The following RSKR variants were observed in gnomAD, a reference collection of about 807,000 sequenced individuals.
RSKR encodes the protein ribosomal protein S6 kinase-related protein.
In RSKR, 44 loss-of-function variants were observed where a neutral mutation model predicts 56.8. The ratio of observed to expected loss-of-function variants is 0.77; its 90% CI spans 0.61 to 1.00. The LOEUF (loss-of-function observed/expected upper bound fraction) is 1.00, where lower values mean the gene tolerates loss of function less well. Among genes scored for constraint, RSKR ranks in the 50% least tolerant of loss-of-function variants. The probability of loss-of-function intolerance (pLI) is 0.00; values close to 1 mark genes in which losing one functional copy is unlikely to be tolerated. For missense variants in RSKR, 510 were observed against 506.9 expected (o/e 1.01, Z -0.06); for synonymous variants, 181 against 188.0 (o/e 0.96, Z 0.30).
Position 28,611,627 on chromosome 17 carries a change from A to T in RSKR, c.751T>A (p.Ser251Thr). Reference protein sequence around the residue: ...GHLKLTDFGLSRHVPQGAQAY... With the variant: ...GHLKLTDFGLTRHVPQGAQAY... ...TGAGCTCCCTGGGGCACGTGGCGGG[A>T]CAGACCAAAGTCTGTCAGTTTCAGA... Residue 251 changes from serine to threonine, a missense_variant, in exon 9 of 12, where the codon TCC becomes ACC. By Grantham distance (58) the Ser-to-Thr change is moderately conservative. Transcript: ENST00000301037. 2.5e-6 allele frequency: 4 copies of T among 1,577,008 alleles called. No individual in the cohort carries two copies. The highest frequency in any genetic ancestry group is 3.4e-6 in the Non-Finnish European group (4 of 1,162,848).
intron 1 of RSKR, 51 bp from the exon 2 acceptor site, chr17:28,613,739 G>A: frequency 6.2e-7 from 1 of 1,604,136 alleles, no homozygotes; most frequent in Non-Finnish European, 8.5e-7. Context: ...GGCATAGCAG[G>A]TTCCACCCAT....
chr17:28,613,949 T>A, intron 1 of RSKR, 138 bp downstream of exon 1: 3 of 1,155,830 alleles, frequency 2.6e-6, no homozygotes, highest in Non-Finnish European at 3.7e-6. Flanking sequence ...TGGGCTGTGA[T>A]GCTTTCATAG....
chr17:28,613,328 A>G lies in RSKR; in HGVS notation c.342T>C (p.Ala114=), dbSNP rs1567634480. The G allele has an allele frequency of 1.2e-6, 2 of 1,614,126 alleles. No individual in the cohort carries two copies. Among genetic ancestry groups the G allele is most frequent in the Non-Finnish European group, 1.7e-6 (2 of 1,180,058 alleles). The change falls in exon 3 of 12, where the codon GCT becomes GCC. Residue 114 remains alanine (A), a synonymous_variant. Coordinates refer to ENST00000301037, the MANE Select transcript of RSKR (RefSeq NM_001174103.2). ...QQQLKILGLV[A]KGSFGTVLKV... ...TGAGGACAGTTCCAAAGGAGCCTTTAGCCACGAGGCCTAAAATCTGTACAG... is the reference window on the plus strand; with the variant it reads ...TGAGGACAGTTCCAAAGGAGCCTTTGGCCACGAGGCCTAAAATCTGTACAG...
intron 5 of RSKR, 34 bp from the exon 6 acceptor site, chr17:28,612,400 A>C (rs1440425687): frequency 1.3e-6 from 2 of 1,597,906 alleles, no homozygotes; most frequent in Non-Finnish European, 8.6e-7. Context: ...ATACATTGCC[A>C]GAAGTCTAGG....
At chr17:28,610,954 GGGA>G (rs2070803537) in intron 11 of RSKR, 186 bp downstream of exon 11, 5 of 656,912 alleles carry the variant, frequency 7.6e-6, no homozygotes, top group Admixed American at 2.8e-5. Flanking sequence ...GTTCTAGATG[GGGA>G]GGAGATTTGG....
rs775195474 is a variant in RSKR, at chr17:28,613,698, A to G, written c.76-10T>C. 1.9e-6 allele frequency: 3 copies of G among 1,613,372 alleles called. No homozygotes were observed. Among genetic ancestry groups the G allele is most frequent in the Non-Finnish European group, 2.5e-6 (3 of 1,179,846 alleles). ...GGATGTTGCCACCCTGCTGAGAACC[A>G]AGGGAGCCACTCTAAACTTTCTGCT... On this transcript the variant is annotated splice_polypyrimidine_tract_variant and intron_variant, in intron 1 of 11. Transcript: ENST00000301037.
chr17:28,610,917 T>C (rs1380958500), intron 11 of RSKR: 7 of 651,806 alleles, frequency 1.1e-5, no homozygotes, highest in Admixed American at 2.9e-5. Context: ...GTGTACAGTG[T>C]TCCACTCTCT....
chr17:28,611,340 T>A, intron 10 of RSKR, 53 bp downstream of exon 10: 1 of 1,533,306 alleles, frequency 6.5e-7, no homozygotes, highest in South Asian at 1.2e-5. Flanking sequence ...TCTTCCTTCT[T>A]CCCACCACAA....
At chr17:28,610,829 T>G in intron 11 of RSKR, 130 bp from the exon 12 acceptor site, 1 of 948,004 alleles carries the variant, frequency 1.1e-6, no homozygotes, top group Non-Finnish European at 1.5e-6. Context: ...AGTAGATGAT[T>G]TGTAAAAGAG....
Position 28,611,569 on chromosome 17 carries a change from A to G in RSKR, c.809T>C (p.Met270Thr). The G allele has an allele frequency of 2.6e-6, 4 of 1,556,558 alleles. No homozygotes were observed. Among genetic ancestry groups the G allele is most frequent in the African/African-American group, 2.7e-5 (2 of 73,016 alleles). Residue 270 changes from methionine to threonine, a missense_variant and splice_region_variant, in exon 9 of 12, where the codon ATG becomes ACG. Transcript: ENST00000301037. ...CCATCAGCTTTAACCTCTCTCACCCATGTACTGAAGAGTGCCACAGATAGT... is the reference window on the plus strand; with the variant it reads ...CCATCAGCTTTAACCTCTCTCACCCGTGTACTGAAGAGTGCCACAGATAGT... ...AYTICGTLQY[M>T]APEVLSGGPY...
At position 28,613,106 on chromosome 17, in the gene RSKR, C is replaced by T; in HGVS notation, c.449G>A (p.Arg150Lys). The change falls in exon 4 of 12, where the codon AGG becomes AAG. Residue 150 changes from arginine (R) to lysine (K), a missense_variant. Arg to Lys is a conservative substitution (Grantham distance 26, BLOSUM62 2). Coordinates refer to ENST00000301037, the MANE Select transcript of RSKR (RefSeq NM_001174103.2). ...GATGCTAACCTCCTCTTTGCACTGC[C>T]TCACGGTATCCCTCTGTAGGACCTT... ...KVKVLQRDTV[R>K]QCKEEVSIQR... 1 of 1,614,098 alleles carries T rather than the reference C, an allele frequency of 6.2e-7. No individual in the cohort carries two copies. The highest frequency in any genetic ancestry group is 8.5e-7 in the Non-Finnish European group (1 of 1,180,028).
rs2070785145 is a variant in RSKR at position 28,609,653 on chromosome 17, T to C, written c.*825A>G. ...TTTTGAAAAATTCACAGGCTGGGTG[T>C]GGAGGCTCATGCCTGTGAAGGTTGC... On this transcript the variant is annotated 3_prime_UTR_variant, in exon 12 of 12. Coordinates refer to ENST00000301037, the MANE Select transcript of RSKR (RefSeq NM_001174103.2). The C allele has an allele frequency of 7.1e-6, 1 of 141,232 alleles. No homozygotes were observed. Among genetic ancestry groups the C allele is most frequent in the African/African-American group, 2.7e-5 (1 of 37,298 alleles). The allele number at this position is 141,232 out of a possible 1,614,324, so 8.7% of individuals were successfully genotyped here.
chr17:28,613,972 G>T, intron 1 of RSKR, 115 bp downstream of exon 1: 2 of 1,373,098 alleles, frequency 1.5e-6, no homozygotes, highest in Non-Finnish European at 2.0e-6. Context: ...CAGCCTCCCT[G>T]CCCCACCCCC....
Position 28,614,108 on chromosome 17 carries a change from G to A in RSKR, c.54C>T (p.Thr18=), listed in dbSNP as rs2070872082. 1.2e-6 allele frequency: 2 copies of A among 1,613,442 alleles called. No homozygotes were observed. Among genetic ancestry groups the A allele is most frequent in the African/African-American group, 1.3e-5 (1 of 74,898 alleles). ...CTACCTTGTGAGGGACAGCCACCCG[G>A]GTGTGTTCCCCCTGCTGGGTGTGCT... ...QGQHTQQGEH[T]RVAVPHKQGG... Residue 18 remains threonine (T), a synonymous_variant, in exon 1 of 12, where the codon ACC becomes ACT. Coordinates refer to ENST00000301037, the MANE Select transcript of RSKR (RefSeq NM_001174103.2).
chr17:28,612,325 C>T lies in RSKR; in HGVS notation c.589G>A (p.Ala197Thr). 1 of 1,614,160 alleles carries T rather than the reference C, an allele frequency of 6.2e-7. No homozygotes were observed. Among genetic ancestry groups the T allele is most frequent in the Non-Finnish European group, 8.5e-7 (1 of 1,180,020 alleles). Residue 197 changes from alanine to threonine, a missense_variant, in exon 6 of 12, where the codon GCT becomes ACT. Physicochemically the swap from Ala to Thr is moderately conservative, Grantham distance 58 (BLOSUM62 0). Coordinates refer to ENST00000301037, the MANE Select transcript of RSKR (RefSeq NM_001174103.2). The part of the protein sequence containing the change: ...CSTDLYSLWS[A>T]VGCFPEASIR... Reference sequence around the variant, plus strand: ...GAAGCCTCAGGAAAGCAGCCAACAGCCGACCAAAGGGAGTACAGATCTGTG... The same window carrying T: ...GAAGCCTCAGGAAAGCAGCCAACAGTCGACCAAAGGGAGTACAGATCTGTG...
intron 11 of RSKR, 70 bp from the exon 12 acceptor site, chr17:28,610,769 G>A: frequency 1.4e-6 from 2 of 1,409,734 alleles, no homozygotes; most frequent in Non-Finnish European, 1.9e-6. Context: ...GGATGGAAAA[G>A]AAGAAAGAAG....
chr17:28,613,547 G>C lies in RSKR; in HGVS notation c.217C>G (p.Pro73Ala). The C allele has an allele frequency of 6.2e-7, 1 of 1,614,180 alleles. No individual in the cohort carries two copies. The highest frequency in any genetic ancestry group is 1.3e-5 in the African/African-American group (1 of 75,022). The change falls in exon 2 of 12, where the codon CCA becomes GCA. Residue 73 changes from proline (P) to alanine (A), a missense_variant. By Grantham distance (27) the Pro-to-Ala change is conservative. Transcript: ENST00000301037. Reference sequence around the variant, plus strand: ...GGCAGAGGCTTCTCTACCAGTACTGGGGCTGGCTTTAGGGATTCCTGGTGC... The same window carrying C: ...GGCAGAGGCTTCTCTACCAGTACTGCGGCTGGCTTTAGGGATTCCTGGTGC... ...YLHQESLKPA[P>A]VLVEKPLPEW...
rs936827299 is a variant in RSKR, at chr17:28,611,477, T to G, written c.816A>C (p.Pro272=). Residue 272 remains proline (P), a synonymous_variant, in exon 10 of 12, where the codon CCA becomes CCC. Transcript: ENST00000301037. ...TGTAAGGTCCTCCACTTAGGACCTC[T>G]GGGGCTACAGATTTCAAAGATACTC... ...TICGTLQYMA[P]EVLSGGPYNH... 1 of 1,598,506 alleles carries G rather than the reference T, an allele frequency of 6.3e-7. No homozygotes were observed. The highest frequency in any genetic ancestry group is 8.5e-7 in the Non-Finnish European group (1 of 1,175,162).
rs916104290 is a variant in RSKR at position 28,608,325 on chromosome 17, G to A, written c.*2153C>T. On this transcript the variant is annotated 3_prime_UTR_variant, in exon 12 of 12. Coordinates refer to ENST00000301037, the MANE Select transcript of RSKR (RefSeq NM_001174103.2). ...TAAATAGAATATTATGAACTGTTAC[G>A]ATAAACACCCTTTACAGTATCCACA... 6.6e-6 allele frequency: 1 copy of A among 152,114 alleles called. No individual in the cohort carries two copies. Among genetic ancestry groups the A allele is most frequent in the African/African-American group, 2.4e-5 (1 of 41,418 alleles). 9.4% of individuals were successfully genotyped at this position (152,114 alleles called of 1,614,324 possible).
Sources: allele counts gnomAD v4.1 joint callset, GRCh38; gene constraint gnomAD v4.1.1; transcripts MANE v1.5; gene names NCBI Gene and HGNC (gene_info 2026-07-23, HGNC 2026-07-21).